GRM1: variants seen among roughly 807,000 people sequenced by gnomAD.
GRM1 encodes the protein metabotropic glutamate receptor 1.
Under a neutral mutation model 90.9 loss-of-function variants are expected in GRM1, and 33 were observed. The observed-to-expected ratio is 0.36, with a 90% confidence interval of 0.28 to 0.49. The LOEUF (loss-of-function observed/expected upper bound fraction) is 0.49, where lower values mean the gene tolerates loss of function less well. Among genes scored for constraint, GRM1 ranks in the 20% least tolerant of loss-of-function variants. The pLI, the probability that GRM1 is intolerant of heterozygous loss-of-function variation, is 0.99. For synonymous variants in GRM1, 700 were observed against 613.2 expected (o/e 1.14, Z -2.09); for missense variants, 1,190 against 1,534.3 (o/e 0.78, Z 3.75).
At chr6:146,282,843 G>A (rs553686934) in intron 2 of GRM1, among the ~76,000 whole-genome samples, 5 of 152,288 alleles carry the variant, frequency 3.3e-5, no homozygotes, top group Admixed American at 3.3e-4. Context: ...ATTACCAGCA[G>A]CATATTCTGT....
intron 5 of GRM1, among the ~76,000 whole-genome samples, chr6:146,376,431 C>T (rs532299668): frequency 1.3e-5 from 2 of 152,084 alleles, no homozygotes; most frequent in Non-Finnish European, 2.9e-5. Flanking sequence ...TGGAAGTACT[C>T]CCTTAAGTAT....
At chr6:146,275,530 C>G (rs781399596) in intron 2 of GRM1, among the ~76,000 whole-genome samples, 2 of 151,962 alleles carry the variant, frequency 1.3e-5, no homozygotes, top group Non-Finnish European at 2.9e-5. Context: ...CTCTCTGTCT[C>G]TCTCTCCCCC....
chr6:146,167,291 G>T (rs1777944058), intron 2 of GRM1, among the ~76,000 whole-genome samples: 1 of 152,088 alleles, frequency 6.6e-6, no homozygotes, highest in African/African-American at 2.4e-5. Context: ...TTTACCTATT[G>T]ATAGACATTT....
At chr6:146,186,977 T>C (rs1246921000) in intron 2 of GRM1, among the ~76,000 whole-genome samples, 1 of 152,188 alleles carries the variant, frequency 6.6e-6, no homozygotes, top group Non-Finnish European at 1.5e-5. Context: ...TCAGTTATAT[T>C]TACCTTTTAT....
At chr6:146,348,977 G>A (rs559625297) in intron 3 of GRM1, among the ~76,000 whole-genome samples, 2 of 152,088 alleles carry the variant, frequency 1.3e-5, no homozygotes, top group South Asian at 2.1e-4. Context: ...ATGTTTAGTT[G>A]GCAGGATTAT....
intron 1 of GRM1, among the ~76,000 whole-genome samples, chr6:146,049,409 T>C (rs1387401289): frequency 6.6e-6 from 1 of 151,972 alleles, no homozygotes; most frequent in Non-Finnish European, 1.5e-5. Context: ...TTCTTACACG[T>C]CAGTACTCCA....
At chr6:146,112,816 G>C (rs968849842) in intron 1 of GRM1, among the ~76,000 whole-genome samples, 2 of 151,938 alleles carry the variant, frequency 1.3e-5, no homozygotes, top group African/African-American at 4.8e-5. Flanking sequence ...CCTTTTTGTT[G>C]TTTATTCTCA....
chr6:146,029,930 A>G lies in GRM1; in HGVS notation c.413A>G (p.Asn138Ser). The G allele has an allele frequency of 6.2e-7, 1 of 1,614,138 alleles. No individual in the cohort carries two copies. Among genetic ancestry groups the G allele is most frequent in the South Asian group, 1.1e-5 (1 of 91,082 alleles). Reference sequence around the variant, plus strand: ...ATTCGAGATGAGAAGGATGGGATCAACCGGTGTCTGCCTGACGGCCAGTCC... The same window carrying G: ...ATTCGAGATGAGAAGGATGGGATCAGCCGGTGTCTGCCTGACGGCCAGTCC... The part of the protein sequence containing the change: ...ISIRDEKDGI[N>S]RCLPDGQSLP... Residue 138 changes from asparagine to serine, a missense_variant, in exon 1 of 8, where the codon AAC becomes AGC. By Grantham distance (46) the Asn-to-Ser change is conservative. Transcript: ENST00000282753.
At position 146,111,805 on chromosome 6, in the gene GRM1, A is replaced by G. The variant is rs116804074; in HGVS notation, c.701-47543A>G. ...ATAAGAAGTCAATGAGAAGGGTAAC[A>G]AGGCTCTCTGGCTGTTGGGGGTGTT... On this transcript the variant is annotated intron_variant, in intron 1 of 7. Coordinates refer to ENST00000282753, the MANE Select transcript of GRM1 (RefSeq NM_001278064.2). Among the ~76,000 whole-genome samples, 267 of 152,342 alleles carry G rather than the reference A, an allele frequency of 1.8e-3. 2 individuals carry two copies. Among genetic ancestry groups the G allele is most frequent in the African/African-American group, 6.3e-3 (262 of 41,590 alleles).
chr6:146,426,929 G>A (rs145427013), intron 7 of GRM1, among the ~76,000 whole-genome samples: 205 of 152,038 alleles, frequency 1.3e-3, no homozygotes, highest in African/African-American at 4.8e-3. Flanking sequence ...TCACAAGCCC[G>A]AAAGTGAATT....
intron 2 of GRM1, among the ~76,000 whole-genome samples, chr6:146,162,146 A>C (rs1448587193): frequency 6.6e-6 from 1 of 152,070 alleles, no homozygotes; most frequent in Non-Finnish European, 1.5e-5. Context: ...TTATCTACCA[A>C]ATGTTGAAGT....
chr6:146,270,912 T>TCTTCCTTCCTTCCTTCCTTC (rs35931210), intron 2 of GRM1, among the ~76,000 whole-genome samples: 4 of 86,862 alleles, frequency 4.6e-5, no homozygotes, highest in African/African-American at 2.3e-4. Flanking sequence ...TTTCTTTCTT[T>TCTTCCTTCCTTCCTTCCTTC]CTTCCTTCCT....
At chr6:146,343,936 T>G (rs550668745) in intron 3 of GRM1, among the ~76,000 whole-genome samples, 12 of 152,312 alleles carry the variant, frequency 7.9e-5, no homozygotes, top group African/African-American at 2.9e-4. Context: ...GATCTGGGCA[T>G]TGGGTGTGCT....
intron 1 of GRM1, among the ~76,000 whole-genome samples, chr6:146,082,518 T>C (rs1776399124): frequency 6.6e-6 from 1 of 152,184 alleles, no homozygotes; most frequent in South Asian, 2.1e-4. Context: ...TGATATCTGT[T>C]TTGAAGTAAG....
At chr6:146,428,685 T>C (rs1420791526) in intron 7 of GRM1, among the ~76,000 whole-genome samples, 1 of 152,218 alleles carries the variant, frequency 6.6e-6, no homozygotes, top group Non-Finnish European at 1.5e-5. Flanking sequence ...TATAATCATA[T>C]TTGTTATACC....
intron 6 of GRM1, among the ~76,000 whole-genome samples, chr6:146,394,828 G>A (rs985655716): frequency 2.6e-5 from 4 of 152,052 alleles, no homozygotes; most frequent in Non-Finnish European, 5.9e-5. Flanking sequence ...ATCATAGAGA[G>A]GCACAACCAT....
chr6:146,322,541 A>C (rs1361491568), intron 3 of GRM1, among the ~76,000 whole-genome samples: 1 of 151,334 alleles, frequency 6.6e-6, no homozygotes, highest in Non-Finnish European at 1.5e-5. Flanking sequence ...TGGGAGTTTT[A>C]TCTATCAGCA....
At chr6:146,239,686 C>A (rs1780780790) in intron 2 of GRM1, among the ~76,000 whole-genome samples, 1 of 152,044 alleles carries the variant, frequency 6.6e-6, no homozygotes, top group Non-Finnish European at 1.5e-5. Flanking sequence ...CAAACTGAAG[C>A]ATTCAGGTAA....
At chr6:146,374,223 G>C (rs1776010424) in intron 5 of GRM1, among the ~76,000 whole-genome samples, 1 of 151,998 alleles carries the variant, frequency 6.6e-6, no homozygotes, top group Non-Finnish European at 1.5e-5. Context: ...AATCCCTCTT[G>C]TTCATCATGA....
Sources: gnomAD v4.1 joint callset for allele counts (sites outside exome capture counted in the v4.1 genomes callset) on GRCh38, gnomAD v4.1.1 for gene constraint, MANE v1.5 for transcripts, NCBI Gene and HGNC (gene_info 2026-07-23, HGNC 2026-07-21) for gene names.